NRK: variants seen among roughly 807,000 people sequenced by gnomAD.
NRK encodes the protein Nik related kinase, also known as nik-related protein kinase.
Under a neutral mutation model 125.2 loss-of-function variants are expected in NRK, and 67 were observed. The observed-to-expected ratio is 0.54, with a 90% CI of 0.44 to 0.66. The LOEUF is 0.66. Among genes scored for constraint, NRK ranks in the 30% least tolerant of loss-of-function variants. NRK has a pLI of 0.00. For synonymous variants in NRK, 458 were observed against 429.0 expected, an observed-to-expected ratio of 1.07 and a Z score of -0.84; for missense variants, 1,224 against 1,192.9, an observed-to-expected ratio of 1.03 and a Z score of -0.38.
At chrX:105,950,527 A>AGTGTGTGTGT (rs56383254) in intron 27 of NRK, among the ~76,000 whole-genome samples, 15 of 77,977 alleles carry the variant, frequency 1.9e-4, no homozygotes, top group Non-Finnish European at 2.9e-4. Flanking sequence ...AAAAGGCAGC[A>AGTGTGTGTGT]GTGTGTGTGT....
chrX:105,861,902 CAA>C (rs35263009), intron 2 of NRK, among the ~76,000 whole-genome samples: 37 of 103,603 alleles, frequency 3.6e-4, no homozygotes, highest in African/African-American at 1.2e-3. Flanking sequence ...ACCAAAAATA[CAA>C]AAAAAAAAAT....
Position 105,949,655 on chromosome X carries a change from T to C in NRK, c.4434T>C (p.Ala1478=). Residue 1478 remains alanine, a synonymous_variant, in exon 27 of 29, where the codon GCT becomes GCC. Coordinates refer to ENST00000243300, the MANE Select transcript of NRK (RefSeq NM_198465.4). ...TTGGCATGATGCTCACCTTCAATGC[T>C]GAAGCCCTCTCTGTGGAAGCAAATG... ...LGIGMMLTFN[A]EALSVEANEQ... is the part of the protein sequence containing the mutation. The C allele has an allele frequency of 8.4e-7, 1 of 1,196,905 alleles. No individual in the cohort carries two copies. Among genetic ancestry groups the C allele is most frequent in the Non-Finnish European group, 1.1e-6 (1 of 882,299 alleles).
At chrX:105,948,349 C>T (rs1443109687) in intron 26 of NRK, 1 of 158,579 alleles carries the variant, frequency 6.3e-6, no homozygotes. Flanking sequence ...TGTCTTGACC[C>T]ATTTAAAGAG....
intron 19 of NRK, among the ~76,000 whole-genome samples, chrX:105,931,214 C>A (rs1042122074): frequency 1.8e-5 from 2 of 112,442 alleles, no homozygotes; most frequent in African/African-American, 6.5e-5. Context: ...AGGGTCACAG[C>A]ATTTCAGCCA....
intron 2 of NRK, among the ~76,000 whole-genome samples, chrX:105,846,594 A>G (rs1287100185): frequency 9.0e-6 from 1 of 111,658 alleles, no homozygotes; most frequent in East Asian, 2.8e-4. Flanking sequence ...TCTCCAGGTG[A>G]TGTAACATTG....
intron 2 of NRK, among the ~76,000 whole-genome samples, chrX:105,863,715 C>T (rs1008085320): frequency 1.8e-5 from 2 of 112,035 alleles, no homozygotes; most frequent in Non-Finnish European, 3.8e-5. Context: ...GGAGTTTCTT[C>T]AGGAGATTTT....
intron 19 of NRK, among the ~76,000 whole-genome samples, chrX:105,929,275 C>T (rs1475581933): frequency 9.0e-6 from 1 of 111,270 alleles, no homozygotes; most frequent in Non-Finnish European, 1.9e-5. Flanking sequence ...TGACTTTTAA[C>T]ACCTGTTTTA....
At position 105,909,560 on chromosome X, in the gene NRK, T is replaced by C. The variant is rs1039379201; in HGVS notation, c.1919T>C (p.Ile640Thr). 5.0e-6 allele frequency: 6 copies of C among 1,208,397 alleles called. No individual in the cohort carries two copies. Among genetic ancestry groups the C allele is most frequent in the Non-Finnish European group, 5.6e-6 (5 of 893,557 alleles). ...GCAATTGGCTCAGTTCAAGCACTGA[T>C]AGAGGGACTATCAAGAGACTTGCTT... ...PQAIGSVQAL[I>T]EGLSRDLLRA... Residue 640 changes from isoleucine (I) to threonine (T), a missense_variant, in exon 13 of 29, where the codon ATA becomes ACA. Coordinates refer to ENST00000243300, the MANE Select transcript of NRK (RefSeq NM_198465.4).
At chrX:105,897,368 G>A (rs2040097836) in intron 7 of NRK, among the ~76,000 whole-genome samples, 1 of 112,425 alleles carries the variant, frequency 8.9e-6, no homozygotes, top group Admixed American at 9.4e-5. Context: ...AAGGGAAAGA[G>A]ATGGAAAAAT....
chrX:105,949,009 G>A (rs1312688361), intron 26 of NRK, among the ~76,000 whole-genome samples: 1 of 110,984 alleles, frequency 9.0e-6, no homozygotes, highest in East Asian at 2.8e-4. Context: ...ATATTAATTG[G>A]AAAAGAAATT....
intron 9 of NRK, among the ~76,000 whole-genome samples, chrX:105,900,964 T>G (rs1239972211): frequency 1.8e-5 from 2 of 111,077 alleles, no homozygotes; most frequent in African/African-American, 6.6e-5. Context: ...CTCAGTAGTA[T>G]TTGGTCCTGA....
At chrX:105,869,230 CT>C in intron 2 of NRK, among the ~76,000 whole-genome samples, 1 of 111,400 alleles carries the variant, frequency 9.0e-6, no homozygotes, top group Non-Finnish European at 1.9e-5. Context: ...TTTCAGTCAA[CT>C]TAGGGGCTAC....
intron 14 of NRK, among the ~76,000 whole-genome samples, chrX:105,914,537 A>G (rs2040340624): frequency 9.1e-6 from 1 of 110,393 alleles, no homozygotes; most frequent in African/African-American, 3.3e-5. Flanking sequence ...TAGGAATTAT[A>G]TTTTTTATTT....
intron 4 of NRK, among the ~76,000 whole-genome samples, chrX:105,883,155 G>A (rs1282245160): frequency 8.9e-6 from 1 of 112,294 alleles, no homozygotes; most frequent in Non-Finnish European, 1.9e-5. Context: ...TGGATATAAT[G>A]TACTTATGTG....
chrX:105,867,742 C>A (rs1033189719), intron 2 of NRK, among the ~76,000 whole-genome samples: 1 of 111,620 alleles, frequency 9.0e-6, no homozygotes, highest in Non-Finnish European at 1.9e-5. Context: ...ATTATTATAG[C>A]AGTAATTTAT....
chrX:105,826,262 T>TA (rs1777533097), intron 1 of NRK, among the ~76,000 whole-genome samples: 1 of 77,621 alleles, frequency 1.3e-5, no homozygotes, highest in Non-Finnish European at 2.3e-5. Flanking sequence ...TAATATATAT[T>TA]TCATATATAA....
intron 16 of NRK, among the ~76,000 whole-genome samples, chrX:105,920,859 A>T (rs1248956771): frequency 3.0e-5 from 3 of 100,712 alleles, no homozygotes; most frequent in African/African-American, 1.1e-4. Context: ...GTGGAGAAAT[A>T]GGAACACTTT....
rs746356473 is a variant in NRK, at chrX:105,888,397, C to A, written c.356C>A (p.Pro119His). 4 of 1,198,304 alleles carry A rather than the reference C, an allele frequency of 3.3e-6. No homozygotes were observed. In the South Asian group the frequency reaches 7.3e-5, roughly 22 times the overall value. ...FYGAFFKLSP[P>H]GQRHQLWMVM... ...GGAGCATTTTTCAAGCTGAGTCCCCCTGGTCAGCGGCACCAACTTTGGGTA... is the reference window on the plus strand; with the variant it reads ...GGAGCATTTTTCAAGCTGAGTCCCCATGGTCAGCGGCACCAACTTTGGGTA... Residue 119 changes from proline (P) to histidine (H), a missense_variant, in exon 5 of 29, where the codon CCT (proline) becomes CAT (histidine). By Grantham distance (77) the Pro-to-His change is moderately conservative (BLOSUM62 -2). Coordinates refer to ENST00000243300, the MANE Select transcript of NRK (RefSeq NM_198465.4).
At chrX:105,830,510 C>CT (rs1262924913) in intron 1 of NRK, among the ~76,000 whole-genome samples, 1 of 109,448 alleles carries the variant, frequency 9.1e-6, no homozygotes, top group Non-Finnish European at 1.9e-5. Context: ...ACTGCTTATT[C>CT]TTTTTTATGA....
Sources: gnomAD v4.1 joint callset for allele counts (sites outside exome capture counted in the v4.1 genomes callset) on GRCh38, gnomAD v4.1.1 for gene constraint, MANE v1.5 for transcripts, NCBI Gene and HGNC (gene_info 2026-07-23, HGNC 2026-07-21) for gene names.